Variants in PDE4D observed in about 807,000 individuals in gnomAD.
PDE4D encodes 3',5'-cyclic-AMP phosphodiesterase 4D.
In PDE4D, 24 loss-of-function variants were observed where a neutral mutation model predicts 87.4. That is an observed-to-expected ratio of 0.27 (90% CI 0.20 to 0.39). The LOEUF (loss-of-function observed/expected upper bound fraction) is 0.39. PDE4D is among the 10% of genes least tolerant of loss of function. PDE4D has a pLI of 1.00. For missense variants in PDE4D, 714 were observed against 1,041.0 expected (o/e 0.69, Z 4.32); for synonymous variants, 384 against 383.2 (o/e 1.00, Z -0.02).
At chr5:59,931,740 C>T (rs193261816) in intron 3 of PDE4D, among the ~76,000 whole-genome samples, 5 of 128,158 alleles carry the variant, frequency 3.9e-5, no homozygotes, top group Non-Finnish European at 7.8e-5. Flanking sequence ...CTCACTCTGT[C>T]GCCCAGGCTG....
At chr5:59,774,479 T>A (rs1763876897) in intron 1 of PDE4D, among the ~76,000 whole-genome samples, 3 of 152,178 alleles carry the variant, frequency 2.0e-5, no homozygotes, top group Admixed American at 2.0e-4. Flanking sequence ...TTGATTTACA[T>A]GACAGCTATA....
At chr5:59,329,273 T>C (rs1390459479) in intron 1 of PDE4D, among the ~76,000 whole-genome samples, 5 of 152,194 alleles carry the variant, frequency 3.3e-5, no homozygotes, top group African/African-American at 9.6e-5. Context: ...ATCAGCATTA[T>C]TGATTCAGAG....
intron 2 of PDE4D, among the ~76,000 whole-genome samples, chr5:60,007,156 G>A (rs1436148737): frequency 6.6e-6 from 1 of 151,864 alleles, no homozygotes; most frequent in Non-Finnish European, 1.5e-5. Flanking sequence ...TTATTTTCTA[G>A]GTTAGTTATA....
At chr5:59,506,121 C>T (rs1475039716) in intron 1 of PDE4D, among the ~76,000 whole-genome samples, 3 of 151,998 alleles carry the variant, frequency 2.0e-5, no homozygotes, top group Admixed American at 1.3e-4. Flanking sequence ...ACATATGGCT[C>T]AGTAGTTTGT....
In PDE4D at chr5:59,782,840, T is replaced by C. The variant is rs1259500714; in HGVS notation, c.455+110328A>G. 2.6e-5 allele frequency among the ~76,000 whole-genome samples: 4 copies of C among 152,320 alleles called. 1 individual carries two copies. Among genetic ancestry groups the C allele is most frequent in the African/African-American group, 9.6e-5 (4 of 41,570 alleles). ...GACTTGTGGGAATAAAGACCAGCAA[T>C]GAAAGACAAGGAAATGTAAATCCAA... On this transcript the variant is annotated intron_variant, in intron 1 of 14. Transcript: ENST00000340635.
intron 2 of PDE4D, among the ~76,000 whole-genome samples, chr5:60,008,610 G>A (rs1545070): frequency 0.27 from 40,524 of 151,748 alleles, 5,866 homozygotes; most frequent in Admixed American, 0.35. Context: ...TCTAGCTATG[G>A]GAGAAGCAAC....
At chr5:60,168,954 T>C (rs1783169523) in intron 2 of PDE4D, among the ~76,000 whole-genome samples, 1 of 152,176 alleles carries the variant, frequency 6.6e-6, no homozygotes, top group African/African-American at 2.4e-5. Context: ...AGAATGCAGT[T>C]GTTTCTCAGT....
At chr5:59,842,738 A>C (rs552045115) in intron 1 of PDE4D, among the ~76,000 whole-genome samples, 4 of 152,166 alleles carry the variant, frequency 2.6e-5, no homozygotes, top group Admixed American at 2.6e-4. Context: ...TTTTCTTTTT[A>C]AATGTTAAAA....
At chr5:60,311,181 T>G (rs1755002131) in intron 1 of PDE4D, among the ~76,000 whole-genome samples, 1 of 148,106 alleles carries the variant, frequency 6.8e-6, no homozygotes, top group Non-Finnish European at 1.5e-5. Context: ...CACGCCTGGC[T>G]AATTTTGTAT....
chr5:60,478,350 G>GTTTTTTT (rs1748479870), intron 1 of PDE4D, among the ~76,000 whole-genome samples: 1 of 152,146 alleles, frequency 6.6e-6, no homozygotes, highest in South Asian at 2.1e-4. Flanking sequence ...CTTACACTGA[G>GTTTTTTT]TAAGCTGTCT....
intron 1 of PDE4D, among the ~76,000 whole-genome samples, chr5:59,707,534 G>T (rs764702788): frequency 6.6e-6 from 1 of 152,026 alleles, no homozygotes; most frequent in African/African-American, 2.4e-5. Context: ...TGGTTCTGGG[G>T]TACATGCACG....
At chr5:59,356,600 A>G (rs150126759) in intron 1 of PDE4D, among the ~76,000 whole-genome samples, 1 of 152,122 alleles carries the variant, frequency 6.6e-6, no homozygotes, top group Non-Finnish European at 1.5e-5. Flanking sequence ...ACATACCCCT[A>G]TTTCAAGGTT....
chr5:60,141,700 C>A (rs76010979), intron 2 of PDE4D, among the ~76,000 whole-genome samples: 3 of 152,060 alleles, frequency 2.0e-5, no homozygotes, highest in South Asian at 4.1e-4. Flanking sequence ...TCCTGTGGAC[C>A]TAGGACATTG....
At chr5:59,828,005 T>C (rs1581291173) in intron 1 of PDE4D, among the ~76,000 whole-genome samples, 1 of 152,188 alleles carries the variant, frequency 6.6e-6, no homozygotes, top group East Asian at 1.9e-4. Flanking sequence ...AGAAACTATA[T>C]ACTTAATAGA....
At chr5:59,136,247 GT>G (rs1356601249) in intron 5 of PDE4D, among the ~76,000 whole-genome samples, 1 of 152,164 alleles carries the variant, frequency 6.6e-6, no homozygotes, top group South Asian at 2.1e-4. Context: ...GGGAAAATAT[GT>G]TTTTTGTGAA....
chr5:59,164,047 C>G (rs918690312), intron 5 of PDE4D, among the ~76,000 whole-genome samples: 1 of 152,162 alleles, frequency 6.6e-6, no homozygotes, highest in African/African-American at 2.4e-5. Context: ...TGATTTGTGG[C>G]AGATGGAGAA....
At chr5:59,515,939 T>C (rs1373083660) in intron 1 of PDE4D, among the ~76,000 whole-genome samples, 1 of 152,130 alleles carries the variant, frequency 6.6e-6, no homozygotes, top group African/African-American at 2.4e-5. Flanking sequence ...ATGGGAAACA[T>C]ACAAAAGTGG....
At chr5:59,059,437 C>T (rs942004589) in intron 5 of PDE4D, among the ~76,000 whole-genome samples, 1 of 152,282 alleles carries the variant, frequency 6.6e-6, no homozygotes, top group Non-Finnish European at 1.5e-5. Context: ...AGAACAAGCA[C>T]GGTAATTCTC....
rs1353579136 is a variant in PDE4D, at chr5:58,975,669, C to T, written c.2001G>A (p.Val667=). 1 of 1,600,316 alleles carries T rather than the reference C, an allele frequency of 6.2e-7. No homozygotes were observed. ...CTTCATGCATTACCTGTGATTTTTC[C>T]ACGGAAGCATTGTGCTTGTCACACA... The part of the protein sequence containing the change: ...SPMCDKHNAS[V]EKSQVGFIDY... The change falls in exon 14 of 15, where the codon GTG becomes GTA. Residue 667 remains valine, a synonymous_variant. Coordinates refer to ENST00000340635, the MANE Select transcript of PDE4D (RefSeq NM_001104631.2). The surrounding 1 kb of genome is among the most constrained non-coding windows in gnomAD (Gnocchi z 4.2).
Sources: allele counts gnomAD v4.1 joint callset (sites outside exome capture counted in the v4.1 genomes callset), GRCh38; gene constraint gnomAD v4.1.1; non-coding constraint Gnocchi (gnomAD v3.1); transcripts MANE v1.5; gene names NCBI Gene and HGNC (gene_info 2026-07-23, HGNC 2026-07-21).